CRISPLD1: variants seen among roughly 807,000 people sequenced by gnomAD.
The protein encoded by CRISPLD1 is cysteine-rich secretory protein LCCL domain-containing 1.
Under a neutral mutation model 77.5 loss-of-function variants are expected in CRISPLD1, and 60 were observed. That is an observed-to-expected ratio of 0.77 (90% CI 0.63 to 0.96). CRISPLD1 has a LOEUF of 0.96. Among genes scored for constraint, CRISPLD1 ranks in the 40% least tolerant of loss-of-function variants. The pLI is 0.00. For missense variants in CRISPLD1, 623 were observed against 615.8 expected (o/e 1.01, Z -0.12); for synonymous variants, 195 against 200.1 (o/e 0.97, Z 0.22).
rs1024945546 is a variant in CRISPLD1, at chr8:75,017,304, C to T, written c.997-16C>T. 5.7e-5 allele frequency: 91 copies of T among 1,606,152 alleles called. No homozygotes were observed. The highest frequency in any genetic ancestry group is 7.5e-5 in the Non-Finnish European group (88 of 1,177,750). Reference sequence around the variant, plus strand: ...TAATATTTTTAACATCTTTTTATCTCCTCCTTTTTTCCAAGCAATCCAGCA... The same window carrying T: ...TAATATTTTTAACATCTTTTTATCTTCTCCTTTTTTCCAAGCAATCCAGCA... On this transcript the variant is annotated splice_polypyrimidine_tract_variant and intron_variant, in intron 9 of 14. Transcript: ENST00000262207.
chr8:75,014,809 A>G lies in CRISPLD1; in HGVS notation c.627-3A>G. ...TTTTAATAGAGCGTATCATCTCTTA[A>G]AGGGGAAACTGGTGGGGCCATGCCC... On this transcript the variant is annotated splice_region_variant and splice_polypyrimidine_tract_variant and intron_variant, in intron 5 of 14. Transcript: ENST00000262207. The G allele has an allele frequency of 1.9e-6, 3 of 1,599,402 alleles. No individual in the cohort carries two copies. The highest frequency in any genetic ancestry group is 2.6e-6 in the Non-Finnish European group (3 of 1,173,184).
intron 2 of CRISPLD1, 84 bp downstream of exon 2, chr8:74,986,329 ATTTAT>A: frequency 2.3e-6 from 3 of 1,320,286 alleles, no homozygotes; most frequent in Non-Finnish European, 3.2e-6. Context: ...TTCTTTAATC[ATTTAT>A]TTTATATGAA....
intron 2 of CRISPLD1, chr8:75,000,127 C>G: frequency 1.0e-6 from 1 of 984,544 alleles, no homozygotes; most frequent in Non-Finnish European, 1.2e-6. Flanking sequence ...TATGTCATAG[C>G]AACTCAAACA....
intron 2 of CRISPLD1, among the ~76,000 whole-genome samples, chr8:74,990,281 A>AT (rs1447646043): frequency 1.3e-5 from 2 of 150,052 alleles, no homozygotes; most frequent in African/African-American, 5.0e-5. Context: ...CCTTAAGTCT[A>AT]TTTAAAAAAA....
chr8:75,008,048 A>G (rs1407978795), intron 2 of CRISPLD1, among the ~76,000 whole-genome samples: 1 of 152,178 alleles, frequency 6.6e-6, no homozygotes, highest in African/African-American at 2.4e-5. Context: ...GAGATGAGAA[A>G]GCCTTCATGC....
intron 2 of CRISPLD1, among the ~76,000 whole-genome samples, chr8:75,007,663 CTTTTT>C (rs34289550): frequency 2.1e-4 from 19 of 89,322 alleles, no homozygotes; most frequent in African/African-American, 7.2e-4. Flanking sequence ...GAACCATCGA[CTTTTT>C]TTTTTTTTTT....
At chr8:74,993,681 T>C (rs1812607831) in intron 2 of CRISPLD1, among the ~76,000 whole-genome samples, 1 of 152,158 alleles carries the variant, frequency 6.6e-6, no homozygotes, top group South Asian at 2.1e-4. Context: ...TAGCAACATA[T>C]CTAGGGGTTT....
Position 75,013,034 on chromosome 8 carries a change from G to A in CRISPLD1, c.510+12G>A, listed in dbSNP as rs758738596. On this transcript the variant is annotated intron_variant, in intron 4 of 14. Transcript: ENST00000262207. The stretch of plus-strand genomic sequence containing the variant: ...CACATTATACACAGGTATGTTTGGG[G>A]GGTATTATACTTAATTCCCCCAAAT... The A allele has an allele frequency of 6.4e-6, 10 of 1,554,390 alleles. No homozygotes were observed. Among genetic ancestry groups the A allele is most frequent in the Admixed American group, 1.8e-5 (1 of 55,756 alleles).
At chr8:75,004,079 T>G (rs1812789425) in intron 2 of CRISPLD1, among the ~76,000 whole-genome samples, 1 of 152,180 alleles carries the variant, frequency 6.6e-6, no homozygotes, top group Admixed American at 6.5e-5. Flanking sequence ...GTTTTAAGCC[T>G]TTGTTTTAGA....
intron 13 of CRISPLD1, 29 bp downstream of exon 13, chr8:75,025,650 A>T: frequency 9.1e-7 from 1 of 1,104,914 alleles, no homozygotes. Flanking sequence ...ACAGCTGTCA[A>T]CATTCATGTA....
intron 10 of CRISPLD1, 70 bp from the exon 11 acceptor site, chr8:75,019,800 G>C: frequency 8.1e-7 from 1 of 1,239,818 alleles, no homozygotes; most frequent in South Asian, 1.2e-5. Context: ...AGACTTGAAA[G>C]ATACCAGAAA....
chr8:75,006,171 C>T (rs935911239), intron 2 of CRISPLD1, among the ~76,000 whole-genome samples: 1 of 152,068 alleles, frequency 6.6e-6, no homozygotes, highest in Non-Finnish European at 1.5e-5. Context: ...TGAGAGCATG[C>T]AGTATTTGAC....
Position 75,032,204 on chromosome 8 carries a change from C to T in CRISPLD1, c.1465C>T (p.Pro489Ser), listed in dbSNP as rs1162817445. The change falls in exon 15 of 15, where the codon CCA becomes TCA. Residue 489 changes from proline to serine, a missense_variant. Physicochemically the swap from Pro to Ser is moderately conservative, Grantham distance 74 (BLOSUM62 -1). Transcript: ENST00000262207. ...GIFSESLQNPPGGKAFRVFAV... is the reference protein window; with the variant it reads ...GIFSESLQNPSGGKAFRVFAV... Reference sequence around the variant, plus strand: ...TTTTTTTTGCAGTTTACAGAATCCTCCAGGAGGAAAGGCATTCAGAGTGTT... The same window carrying T: ...TTTTTTTTGCAGTTTACAGAATCCTTCAGGAGGAAAGGCATTCAGAGTGTT... The T allele has an allele frequency of 3.7e-6, 6 of 1,605,716 alleles. No individual in the cohort carries two copies. Among genetic ancestry groups the T allele is most frequent in the Non-Finnish European group, 5.1e-6 (6 of 1,174,888 alleles).
chr8:75,034,319 G>A lies in CRISPLD1; in HGVS notation c.*2077G>A, dbSNP rs1245908712. 6.6e-6 allele frequency: 1 copy of A among 152,038 alleles called. No homozygotes were observed. Among genetic ancestry groups the A allele is most frequent in the Admixed American group, 6.6e-5 (1 of 15,260 alleles). The allele number at this position is 152,038 out of a possible 1,614,324, so 9.4% of individuals were successfully genotyped here. ...GAACAAATAATATCTCCTTAAGATT[G>A]CTCTACGAATTAATTGACACATTAT... On this transcript the variant is annotated 3_prime_UTR_variant, in exon 15 of 15. Coordinates refer to ENST00000262207, the MANE Select transcript of CRISPLD1 (RefSeq NM_031461.6).
chr8:75,026,856 A>G (rs558593598), intron 13 of CRISPLD1: 3 of 152,204 alleles, frequency 2.0e-5, no homozygotes, highest in African/African-American at 7.2e-5. Context: ...CCAGATTTGC[A>G]CTGGTCTTAT....
rs1266670715 is a variant in CRISPLD1 at position 75,012,998 on chromosome 8, C to T, written c.486C>T (p.Gly162=). The change falls in exon 4 of 15, where the codon GGC becomes GGT. Residue 162 remains glycine, a synonymous_variant. Transcript: ENST00000262207. ...CATATTGTCCATTCAGGTGTTCTGGCCCTGTATGTACACATTATACACAGG... is the reference window on the plus strand; with the variant it reads ...CATATTGTCCATTCAGGTGTTCTGGTCCTGTATGTACACATTATACACAGG... ...CNPYCPFRCS[G]PVCTHYTQVV... is the part of the protein sequence containing the mutation. 6.2e-7 allele frequency: 1 copy of T among 1,611,840 alleles called. No individual in the cohort carries two copies. The highest frequency in any genetic ancestry group is 1.3e-5 in the African/African-American group (1 of 74,894).
chr8:75,002,094 T>C (rs1812752158), intron 2 of CRISPLD1, among the ~76,000 whole-genome samples: 1 of 152,072 alleles, frequency 6.6e-6, no homozygotes, highest in South Asian at 2.1e-4. Context: ...TGTAAGAATT[T>C]ACAGCAAAGC....
Position 74,987,637 on chromosome 8 carries a change from T to C in CRISPLD1, c.258+1392T>C, listed in dbSNP as rs1364432519. 2.0e-5 allele frequency among the ~76,000 whole-genome samples: 3 copies of C among 152,256 alleles called. No homozygotes were observed. In the East Asian group the frequency reaches 5.8e-4, roughly 29 times the overall value. ...TGACATCTGTAATGTCTCATATTTCTGCTTCTTGTATAGTGTTTGTCTAAA... is the reference window on the plus strand; with the variant it reads ...TGACATCTGTAATGTCTCATATTTCCGCTTCTTGTATAGTGTTTGTCTAAA... On this transcript the variant is annotated intron_variant, in intron 2 of 14. Transcript: ENST00000262207.
chr8:75,005,535 C>T (rs971336439), intron 2 of CRISPLD1, among the ~76,000 whole-genome samples: 2 of 151,972 alleles, frequency 1.3e-5, no homozygotes. Context: ...CACGAATGCC[C>T]TTGACTTATA....
Sources: allele counts gnomAD v4.1 joint callset (sites outside exome capture counted in the v4.1 genomes callset), GRCh38; gene constraint gnomAD v4.1.1; transcripts MANE v1.5; gene names NCBI Gene and HGNC (gene_info 2026-07-23, HGNC 2026-07-21).